LDLRAP1: variants seen among roughly 807,000 people sequenced by gnomAD.
LDLRAP1 encodes low density lipoprotein receptor adaptor protein 1.
In LDLRAP1, 30 loss-of-function variants were observed where a neutral mutation model predicts 37.8. The observed-to-expected ratio is 0.79, with a 90% CI of 0.59 to 1.08. The LOEUF is 1.08. LDLRAP1 is among the 50% of genes least tolerant of loss of function. The pLI is 0.00. For missense variants in LDLRAP1, 375 were observed against 401.6 expected, an observed-to-expected ratio of 0.93 and a Z score of 0.57; for synonymous variants, 156 against 169.8, an observed-to-expected ratio of 0.92 and a Z score of 0.63.
chr1:25,558,634 T>C (rs541760457), intron 4 of LDLRAP1, among the ~76,000 whole-genome samples: 2 of 152,298 alleles, frequency 1.3e-5, no homozygotes, highest in Non-Finnish European at 2.9e-5. Flanking sequence ...GAGCCAGCAA[T>C]GTAGCATCTT....
In LDLRAP1 at chr1:25,565,189, T is replaced by C. The variant is rs758853203; in HGVS notation, c.764T>C (p.Leu255Pro). 3.7e-6 allele frequency: 6 copies of C among 1,614,204 alleles called. No individual in the cohort carries two copies. The highest frequency in any genetic ancestry group is 5.1e-6 in the Non-Finnish European group (6 of 1,180,026). Residue 255 changes from leucine (L) to proline (P), a missense_variant, in exon 8 of 9, where the codon CTG (leucine) becomes CCG (proline). Coordinates refer to ENST00000374338, the MANE Select transcript of LDLRAP1 (RefSeq NM_015627.3). The stretch of plus-strand genomic sequence containing the variant: ...TTCCCCAAGGAGCTGGATGATGGCC[T>C]GGATGAAGCGTTTTCGAGGTAATGC... ...SSVVWELDDG[L>P]DEAFSRLAQS... is the part of the protein sequence containing the mutation.
At chr1:25,574,461 C>G in the LDLRAP1 span, among the ~76,000 whole-genome samples, 11 of 152,336 alleles carry the variant, frequency 7.2e-5, no homozygotes, top group Admixed American at 6.5e-4. Context: ...AACCCCATGT[C>G]CTCCTGCTCT....
At chr1:25,587,920 A>G in the LDLRAP1 span, among the ~76,000 whole-genome samples, 2 of 152,160 alleles carry the variant, frequency 1.3e-5, no homozygotes, top group African/African-American at 2.4e-5. Flanking sequence ...AAGAGACTCC[A>G]TTTTGTTCTG....
downstream of LDLRAP1, among the ~76,000 whole-genome samples, chr1:25,573,618 G>T (rs2044634165): frequency 6.6e-6 from 1 of 152,204 alleles, no homozygotes; most frequent in Non-Finnish European, 1.5e-5. Context: ...GGCAGGGAGG[G>T]TAAAAGGAGC....
At chr1:25,546,276 C>T (rs1468218050) in intron 1 of LDLRAP1, among the ~76,000 whole-genome samples, 1 of 152,160 alleles carries the variant, frequency 6.6e-6, no homozygotes, top group Non-Finnish European at 1.5e-5. Context: ...GACTCGAACC[C>T]TGCTCTCAGT....
At position 25,554,040 on chromosome 1, in the gene LDLRAP1, C is replaced by T. The variant is rs202078775; in HGVS notation, c.207C>T (p.Ala69=). Residue 69 remains alanine (A), a synonymous_variant, in exon 2 of 9, where the codon GCC becomes GCT. Coordinates refer to ENST00000374338, the MANE Select transcript of LDLRAP1 (RefSeq NM_015627.3). The surrounding 1 kb of genome is among the most constrained non-coding windows in gnomAD (Gnocchi z 5.4). ...CCAAGGGTGAGGAGCTGTCGGCCGC[C>T]GCCATCAAGAGGATCGTGGCTACAG... is the stretch of plus-strand genomic sequence containing the variant. ...EQPKGEELSA[A]AIKRIVATAK... is the part of the protein sequence containing the mutation. 3.2e-5 allele frequency: 52 copies of T among 1,613,898 alleles called. No individual in the cohort carries two copies. Among genetic ancestry groups the T allele is most frequent in the Middle Eastern group, 1.6e-4 (1 of 6,082 alleles).
rs766250584 is a variant in LDLRAP1, at chr1:25,554,081, G to A, written c.231+17G>A. On this transcript the variant is annotated intron_variant, in intron 2 of 8. Transcript: ENST00000374338. This position sits in a 1 kb window ranked among gnomAD's most constrained non-coding sequence, Gnocchi z 5.4. ...GTGGCTACAGTGAGCACCCCAGTCAGGAAGGGTGGGGGAACCAGGGACCAA... is the reference window on the plus strand; with the variant it reads ...GTGGCTACAGTGAGCACCCCAGTCAAGAAGGGTGGGGGAACCAGGGACCAA... 1.2e-6 allele frequency: 2 copies of A among 1,613,090 alleles called. No homozygotes were observed. The highest frequency in any genetic ancestry group is 4.5e-5 in the East Asian group (2 of 44,876).
In LDLRAP1 at chr1:25,544,638, T is replaced by C. The variant is rs1461971273; in HGVS notation, c.88+852T>C. Among the ~76,000 whole-genome samples, 1 of 152,054 alleles carries C rather than the reference T, an allele frequency of 6.6e-6. No homozygotes were observed. The highest frequency in any genetic ancestry group is 1.9e-4 in the East Asian group (1 of 5,176). ...TCTCTGATTACGCTCAGGGAACTTG[T>C]CACCTGGCACCTTCCCCTGAAGCCA... On this transcript the variant is annotated intron_variant, in intron 1 of 8. Coordinates refer to ENST00000374338, the MANE Select transcript of LDLRAP1 (RefSeq NM_015627.3). This position sits in a 1 kb window ranked among gnomAD's most constrained non-coding sequence, Gnocchi z 4.8.
At chr1:25,546,978 G>A (rs2043949144) in intron 1 of LDLRAP1, among the ~76,000 whole-genome samples, 1 of 115,482 alleles carries the variant, frequency 8.7e-6, no homozygotes, top group Admixed American at 8.7e-5. Flanking sequence ...GTGTAGATCA[G>A]TGGTGTGGTT....
intron 5 of LDLRAP1, 42 bp downstream of exon 5, chr1:25,562,758 G>A: frequency 1.3e-6 from 2 of 1,574,152 alleles, no homozygotes; most frequent in Non-Finnish European, 1.7e-6. Context: ...TGGGAGGTGG[G>A]GAGACACATA....
intron 4 of LDLRAP1, among the ~76,000 whole-genome samples, chr1:25,558,250 C>A (rs747067174): frequency 1.3e-5 from 2 of 152,152 alleles, no homozygotes; most frequent in Admixed American, 6.5e-5. Context: ...CAGCTCTGAG[C>A]CCCAGTCCCC....
chr1:25,585,476 C>CGT, the LDLRAP1 span, among the ~76,000 whole-genome samples: 1 of 152,144 alleles, frequency 6.6e-6, no homozygotes, highest in Non-Finnish European at 1.5e-5. Context: ...CAGGTGCCTG[C>CGT]CACCACGCCT....
chr1:25,557,208 C>A lies in LDLRAP1; in HGVS notation c.400C>A (p.Gln134Lys), dbSNP rs751920586. 6.2e-6 allele frequency: 10 copies of A among 1,614,190 alleles called. No homozygotes were observed. Among genetic ancestry groups the A allele is most frequent in the Non-Finnish European group, 8.5e-6 (10 of 1,180,030 alleles). The change falls in exon 4 of 9, where the codon CAG (glutamine) becomes AAG (lysine). Residue 134 changes from glutamine to lysine, a missense_variant. Coordinates refer to ENST00000374338, the MANE Select transcript of LDLRAP1 (RefSeq NM_015627.3). ...MHDKVFAYIA[Q>K]SQHNQSLECH... Reference sequence around the variant, plus strand: ...CGACAAGGTGTTTGCATACATCGCCCAGAGCCAGCACAACCAGAGCCTCGA... The same window carrying A: ...CGACAAGGTGTTTGCATACATCGCCAAGAGCCAGCACAACCAGAGCCTCGA...
In LDLRAP1 at chr1:25,563,057, C is replaced by T. The variant is rs537544858; in HGVS notation, c.533-13C>T. 2 of 1,613,668 alleles carry T rather than the reference C, an allele frequency of 1.2e-6. No homozygotes were observed. The highest frequency in any genetic ancestry group is 2.2e-5 in the East Asian group (1 of 44,876). On this transcript the variant is annotated splice_polypyrimidine_tract_variant and intron_variant, in intron 5 of 8. Coordinates refer to ENST00000374338, the MANE Select transcript of LDLRAP1 (RefSeq NM_015627.3). ...GGTCTGAGGCTCCAACATGTTGTGC[C>T]TTGGTCCTGCAGAGAAAGAGAAGAG...
intron 8 of LDLRAP1, among the ~76,000 whole-genome samples, chr1:25,565,807 G>T (rs4400597): frequency 0.51 from 77,913 of 151,948 alleles, 20,456 homozygotes; most frequent in African/African-American, 0.63. Flanking sequence ...CCGAGCCCTG[G>T]GTCCCCGTCT....
chr1:25,552,523 T>C (rs1157127594), intron 1 of LDLRAP1, among the ~76,000 whole-genome samples: 3 of 152,208 alleles, frequency 2.0e-5, no homozygotes, highest in Non-Finnish European at 4.4e-5. Flanking sequence ...AGCAGTTTTC[T>C]TTCTCATCTG....
the LDLRAP1 span, among the ~76,000 whole-genome samples, chr1:25,587,497 G>C: frequency 6.6e-6 from 1 of 152,166 alleles, no homozygotes; most frequent in Non-Finnish European, 1.5e-5. Flanking sequence ...GTCCTTAGCT[G>C]ATCTGTGCCT....
chr1:25,559,588 A>C (rs1460584756), intron 4 of LDLRAP1, among the ~76,000 whole-genome samples: 1 of 152,156 alleles, frequency 6.6e-6, no homozygotes, highest in East Asian at 1.9e-4. Context: ...TGGTTTATCC[A>C]TCTCCCTACC....
chr1:25,553,663 C>T (rs748694109), intron 1 of LDLRAP1: 13 of 472,942 alleles, frequency 2.7e-5, no homozygotes, highest in South Asian at 4.3e-5. Context: ...ACCAGCTACT[C>T]GGGAGGCAGA....
Sources: allele counts gnomAD v4.1 joint callset (sites outside exome capture counted in the v4.1 genomes callset), GRCh38; gene constraint gnomAD v4.1.1; non-coding constraint Gnocchi (gnomAD v3.1); transcripts MANE v1.5; gene names NCBI Gene and HGNC (gene_info 2026-07-23, HGNC 2026-07-21).